The following ELFN1 variants were observed in gnomAD, a reference collection of about 807,000 sequenced individuals.
ELFN1 encodes protein ELFN1.
ELFN1 carries 6 observed loss-of-function variants against 7.6 expected under a neutral mutation model. The ratio of observed to expected loss-of-function variants is 0.79; its 90% CI spans 0.43 to 1.56. ELFN1 has a LOEUF of 1.56. Among genes scored for constraint, ELFN1 ranks in the 40% most tolerant of loss-of-function variants. The probability of loss-of-function intolerance (pLI) is 0.01; values close to 1 mark genes in which losing one functional copy is unlikely to be tolerated. For missense variants in ELFN1, 1,169 were observed against 1,232.2 expected (o/e 0.95, Z 0.77); for synonymous variants, 657 against 588.1 (o/e 1.12, Z -1.70).
intron 3 of ELFN1, among the ~76,000 whole-genome samples, chr7:1,715,620 A>G (rs1779806968): frequency 6.6e-6 from 1 of 152,214 alleles, no homozygotes; most frequent in Non-Finnish European, 1.5e-5. Flanking sequence ...GCAGGGATCC[A>G]GCTTCTGCTC....
intron 3 of ELFN1, among the ~76,000 whole-genome samples, chr7:1,713,570 G>A (rs1310692661): frequency 6.6e-6 from 1 of 152,152 alleles, no homozygotes; most frequent in Non-Finnish European, 1.5e-5. Flanking sequence ...GGGCTCTCTG[G>A]TATCCTGTGA....
intron 2 of ELFN1, among the ~76,000 whole-genome samples, chr7:1,700,544 A>T (rs1327160388): frequency 6.6e-6 from 1 of 152,204 alleles, no homozygotes; most frequent in Non-Finnish European, 1.5e-5. Flanking sequence ...GTTCATTCTC[A>T]TCACTGAAGC....
intron 1 of ELFN1, among the ~76,000 whole-genome samples, chr7:1,687,494 G>T (rs1779080913): frequency 6.6e-6 from 1 of 151,880 alleles, no homozygotes; most frequent in Non-Finnish European, 1.5e-5. Flanking sequence ...ATCTCCTCCT[G>T]ATCACTACCC....
intron 3 of ELFN1, among the ~76,000 whole-genome samples, chr7:1,720,441 C>A (rs533710728): frequency 1.3e-5 from 2 of 152,346 alleles, no homozygotes; most frequent in African/African-American, 4.8e-5. Context: ...GGAATGGGTC[C>A]CCAGCCTCCA....
At chr7:1,742,648 G>A (rs1468452961) in intron 3 of ELFN1, among the ~76,000 whole-genome samples, 1 of 152,218 alleles carries the variant, frequency 6.6e-6, no homozygotes, top group Admixed American at 6.5e-5. Context: ...GCCTAGCCAG[G>A]TCCTGCCCGG....
At chr7:1,689,650 A>C (rs1282502536) in intron 2 of ELFN1, among the ~76,000 whole-genome samples, 3 of 152,140 alleles carry the variant, frequency 2.0e-5, no homozygotes, top group Non-Finnish European at 1.5e-5. Context: ...AATCATGTTG[A>C]ATCTCCTAAC....
Position 1,747,875 on chromosome 7 carries a change from A to G in ELFN1, c.*792A>G, listed in dbSNP as rs1780852895. The G allele has an allele frequency of 7.9e-6, 1 of 126,656 alleles. No homozygotes were observed. Among genetic ancestry groups the G allele is most frequent in the South Asian group, 3.5e-4 (1 of 2,820 alleles). The allele number at this position is 126,656 out of a possible 1,614,324, so 7.8% of individuals were successfully genotyped here. A position where few individuals can be genotyped will look rare whatever the true frequency, so the allele number is the denominator to read the frequency against. Reference sequence around the variant, plus strand: ...GTAAAATGAGAAAGAAAAAAAGACTATGTCTACTAAAAAAAAAAAAAAAAA... The same window carrying G: ...GTAAAATGAGAAAGAAAAAAAGACTGTGTCTACTAAAAAAAAAAAAAAAAA... On this transcript the variant is annotated 3_prime_UTR_variant, in exon 4 of 4. Transcript: ENST00000424383.
intron 3 of ELFN1, among the ~76,000 whole-genome samples, chr7:1,709,807 A>G (rs116821520): frequency 0.028 from 4,305 of 152,324 alleles, 217 homozygotes; most frequent in African/African-American, 0.099. Context: ...GGCTTGCCAG[A>G]TCTTTTGGTG....
upstream of ELFN1, among the ~76,000 whole-genome samples, chr7:1,667,755 C>CA (rs1778691694): frequency 6.6e-6 from 1 of 152,210 alleles, no homozygotes; most frequent in African/African-American, 2.4e-5. This position sits in a 1 kb window ranked among gnomAD's most constrained non-coding sequence, Gnocchi z 8.2. Flanking sequence ...CTCCCAGCTT[C>CA]ACCGCCGCGT....
intron 3 of ELFN1, among the ~76,000 whole-genome samples, chr7:1,716,452 C>T (rs1726103445): frequency 6.6e-6 from 1 of 152,244 alleles, no homozygotes; most frequent in Non-Finnish European, 1.5e-5. Flanking sequence ...CCTCCAGAGC[C>T]TTAGCTGCCT....
At chr7:1,743,198 C>T (rs1017314842) in intron 3 of ELFN1, among the ~76,000 whole-genome samples, 1 of 152,196 alleles carries the variant, frequency 6.6e-6, no homozygotes. Context: ...GCCTACAGCT[C>T]GGTCGCCACA....
At position 1,747,210 on chromosome 7, in the gene ELFN1, AGG is replaced by A; in HGVS notation, c.*132_*133del. The A allele has an allele frequency of 8.9e-7, 1 of 1,129,770 alleles. No homozygotes were observed. The highest frequency in any genetic ancestry group is 1.2e-6 in the Non-Finnish European group (1 of 834,678). 70.0% of individuals were successfully genotyped at this position (1,129,770 alleles called of 1,614,324 possible). A position where few individuals can be genotyped will look rare whatever the true frequency, so the allele number is the denominator to read the frequency against. On this transcript the variant is annotated 3_prime_UTR_variant, in exon 4 of 4. Transcript: ENST00000424383. ...GACAGCGGGGGGCCCTGCAGAGGCG[AGG>A]GGGGAGCGAGTGGGGACAGACAAGG...
chr7:1,685,588 C>T (rs910515632), intron 1 of ELFN1, among the ~76,000 whole-genome samples: 4 of 151,968 alleles, frequency 2.6e-5, no homozygotes, highest in Non-Finnish European at 5.9e-5. Flanking sequence ...TGCAAGCCCT[C>T]ATGTAATGAA....
At chr7:1,683,870 TG>T (rs1475683942) in intron 1 of ELFN1, among the ~76,000 whole-genome samples, 2 of 152,318 alleles carry the variant, frequency 1.3e-5, no homozygotes, top group East Asian at 3.9e-4. Context: ...TACTCCAGGT[TG>T]GGTGTGGTGG....
chr7:1,698,401 C>T (rs962377723), intron 2 of ELFN1, among the ~76,000 whole-genome samples: 1 of 152,174 alleles, frequency 6.6e-6, no homozygotes, highest in African/African-American at 2.4e-5. Context: ...AGCTTCCTGT[C>T]GGGTGAGGAA....
At chr7:1,702,102 A>G (rs945576257) in intron 2 of ELFN1, among the ~76,000 whole-genome samples, 8 of 152,022 alleles carry the variant, frequency 5.3e-5, no homozygotes, top group Non-Finnish European at 8.8e-5. Flanking sequence ...CCATAGCTTT[A>G]TAGTCAACTG....
intron 2 of ELFN1, chr7:1,693,613 A>G: frequency 2.1e-6 from 1 of 471,206 alleles, no homozygotes; most frequent in Non-Finnish European, 4.4e-6. Flanking sequence ...CCGCTGTGTG[A>G]ACACCTCCGG....
At chr7:1,741,052 C>T (rs1401934953) in intron 3 of ELFN1, among the ~76,000 whole-genome samples, 1 of 151,866 alleles carries the variant, frequency 6.6e-6, no homozygotes, top group East Asian at 1.9e-4. Flanking sequence ...ATCACTTGAA[C>T]CCAGGAGGCA....
intron 2 of ELFN1, among the ~76,000 whole-genome samples, chr7:1,697,523 T>C (rs1397937575): frequency 1.3e-5 from 2 of 152,182 alleles, no homozygotes; most frequent in African/African-American, 4.8e-5. Flanking sequence ...GTGTTTAGGG[T>C]CTGGGTTCCC....
Sources: allele counts gnomAD v4.1 joint callset (sites outside exome capture counted in the v4.1 genomes callset), GRCh38; gene constraint gnomAD v4.1.1; non-coding constraint Gnocchi (gnomAD v3.1); transcripts MANE v1.5; gene names NCBI Gene and HGNC (gene_info 2026-07-23, HGNC 2026-07-21).